Variants in PDILT observed in about 807,000 individuals in gnomAD.
PDILT encodes protein disulfide-isomerase-like protein of the testis.
Under a neutral mutation model 53.7 loss-of-function variants are expected in PDILT, and 43 were observed. That is an observed-to-expected ratio of 0.80 (90% CI 0.63 to 1.03). The LOEUF (loss-of-function observed/expected upper bound fraction) is 1.03. Among genes scored for constraint, PDILT ranks in the 50% least tolerant of loss-of-function variants. The pLI, the probability that PDILT is intolerant of heterozygous loss-of-function variation, is 0.00. For synonymous variants in PDILT, 282 were observed against 274.2 expected, an observed-to-expected ratio of 1.03 and a Z score of -0.28; for missense variants, 727 against 712.3, an observed-to-expected ratio of 1.02 and a Z score of -0.24.
chr16:20,366,969 TTCCTTCCTTCCTTCCTTC>T (rs377285426), intron 8 of PDILT, among the ~76,000 whole-genome samples: 42,987 of 144,924 alleles, frequency 0.3, 9,574 homozygotes, highest in Non-Finnish European at 0.42. Context: ...CCTTCCTTCC[TTCCTTCCTTCCTTCCTTC>T]CTTTCTTTCT....
At chr16:20,369,793 A>G in intron 7 of PDILT, 104 bp from the exon 8 acceptor site, 1 of 1,136,164 alleles carries the variant, frequency 8.8e-7, no homozygotes, top group Non-Finnish European at 1.3e-6. Context: ...GGGTCTGTGG[A>G]GCACCTCTGC....
intron 2 of PDILT, among the ~76,000 whole-genome samples, chr16:20,392,747 G>T (rs1365653649): frequency 6.6e-6 from 1 of 152,168 alleles, no homozygotes; most frequent in Non-Finnish European, 1.5e-5. Flanking sequence ...AAAGGCTTTA[G>T]GTTTAAAGTA....
In PDILT at chr16:20,361,205, T is replaced by TTTTTTTTTTTTG. The variant is rs5816105; in HGVS notation, c.1417-549_1417-548insCAAAAAAAAAAA. 1.4e-4 allele frequency among the ~76,000 whole-genome samples: 19 copies of TTTTTTTTTTTTG among 134,800 alleles called. 1 individual carries two copies. Among genetic ancestry groups the TTTTTTTTTTTTG allele is most frequent in the African/African-American group, 2.5e-4 (9 of 35,382 alleles). 88.4% of individuals were successfully genotyped at this position (134,800 alleles called of 152,430 possible). ...TCCCTTTCCTCTTTTTTTTTTTTTT[T>TTTTTTTTTTTTG]ATATGGAATCTTGCTCTGTCACCAT... On this transcript the variant is annotated intron_variant, in intron 10 of 11. Transcript: ENST00000302451.
intron 2 of PDILT, among the ~76,000 whole-genome samples, chr16:20,385,708 C>G (rs551609345): frequency 6.6e-6 from 1 of 152,054 alleles, no homozygotes; most frequent in Non-Finnish European, 1.5e-5. Context: ...ATCCCTGTAA[C>G]CAAAAGCCAC....
chr16:20,398,534 G>A lies in PDILT; in HGVS notation c.202+565C>T, dbSNP rs539071771. Among the ~76,000 whole-genome samples the A allele has an allele frequency of 7.9e-5, 12 of 152,268 alleles. No individual in the cohort carries two copies. The South Asian group carries it at 2.3e-3, about 29-fold the overall frequency. On this transcript the variant is annotated intron_variant, in intron 2 of 11. Transcript: ENST00000302451. ...CGATCCCATCTACTCAGATGTATGA[G>A]GCATGAGAATCGCGTGAACACAGGA...
intron 1 of PDILT, among the ~76,000 whole-genome samples, chr16:20,402,348 C>T (rs1317761867): frequency 1.4e-5 from 2 of 144,928 alleles, no homozygotes; most frequent in Non-Finnish European, 3.0e-5. Flanking sequence ...GCCCAGGCTG[C>T]AATGCAGTGG....
intron 2 of PDILT, among the ~76,000 whole-genome samples, chr16:20,395,800 C>T (rs2141620668): frequency 6.6e-6 from 1 of 152,286 alleles, no homozygotes; most frequent in Admixed American, 6.5e-5. Context: ...AGCCTGGCAG[C>T]CGCTGCTCCT....
At chr16:20,374,421 T>C (rs1011858967) in intron 5 of PDILT, among the ~76,000 whole-genome samples, 6 of 152,014 alleles carry the variant, frequency 3.9e-5, no homozygotes, top group Admixed American at 2.6e-4. Flanking sequence ...GGAGAGGAGA[T>C]TATGACTTTG....
chr16:20,373,193 G>T, intron 5 of PDILT, 71 bp from the exon 6 acceptor site: 1 of 1,259,612 alleles, frequency 7.9e-7, no homozygotes, highest in Non-Finnish European at 1.2e-6. Flanking sequence ...AATATAAATA[G>T]CACAATTTTC....
intron 2 of PDILT, among the ~76,000 whole-genome samples, chr16:20,397,397 C>A (rs1429142205): frequency 6.6e-6 from 1 of 152,146 alleles, no homozygotes; most frequent in Non-Finnish European, 1.5e-5. Flanking sequence ...CCCACCTCGG[C>A]CTCCCAAAGT....
intron 10 of PDILT, 24 bp from the exon 11 acceptor site, chr16:20,360,681 C>T (rs1374730717): frequency 6.5e-7 from 1 of 1,544,682 alleles, no homozygotes. Flanking sequence ...GGAACAGGGT[C>T]AGGATGGGAT....
chr16:20,382,504 G>C (rs903563871), intron 3 of PDILT, among the ~76,000 whole-genome samples: 4 of 152,150 alleles, frequency 2.6e-5, no homozygotes, highest in Admixed American at 2.6e-4. Flanking sequence ...TAATAATCTG[G>C]GCCTTTGCAG....
chr16:20,396,748 AG>A (rs1296805046), intron 2 of PDILT, among the ~76,000 whole-genome samples: 1 of 152,238 alleles, frequency 6.6e-6, no homozygotes, highest in Non-Finnish European at 1.5e-5. Flanking sequence ...TTTGTTTTAA[AG>A]GGTTTCTCAT....
rs1567320326 is a variant in PDILT, at chr16:20,366,973, TTC to T, written c.1117-1435_1117-1434del. 4.6e-4 allele frequency among the ~76,000 whole-genome samples: 40 copies of T among 86,492 alleles called. 1 individual carries two copies. Among genetic ancestry groups the T allele is most frequent in the African/African-American group, 1.0e-3 (32 of 31,640 alleles). 56.7% of individuals were successfully genotyped at this position (86,492 alleles called of 152,430 possible). A position where few individuals can be genotyped will look rare whatever the true frequency, so the allele number is the denominator to read the frequency against. ...CTTCCTTCCTTCCTTCCTTCCTTCC[TTC>T]CTTCCTTCCTTCCTTTCTTTCTTTC... On this transcript the variant is annotated intron_variant, in intron 8 of 11. Coordinates refer to ENST00000302451, the MANE Select transcript of PDILT (RefSeq NM_174924.2).
rs553412363 is a variant in PDILT at position 20,383,005 on chromosome 16, A to T, written c.409+1640T>A. 2.0e-5 allele frequency among the ~76,000 whole-genome samples: 3 copies of T among 152,274 alleles called. No individual in the cohort carries two copies. In the South Asian group the frequency reaches 6.2e-4, roughly 32 times the overall value. The stretch of plus-strand genomic sequence containing the variant: ...AAACACAGATGCTGTGAGGCCACAG[A>T]GGTGGAGCAGGCACCCTGGCCTGAG... On this transcript the variant is annotated intron_variant, in intron 3 of 11. Coordinates refer to ENST00000302451, the MANE Select transcript of PDILT (RefSeq NM_174924.2).
chr16:20,378,416 T>C (rs1966416767), intron 3 of PDILT, among the ~76,000 whole-genome samples: 1 of 152,128 alleles, frequency 6.6e-6, no homozygotes, highest in South Asian at 2.1e-4. Context: ...TTGTTCTTCT[T>C]CTGCTTCCTC....
intron 3 of PDILT, among the ~76,000 whole-genome samples, chr16:20,379,464 C>T (rs1023829708): frequency 2.6e-5 from 4 of 151,942 alleles, no homozygotes; most frequent in African/African-American, 9.7e-5. Context: ...CCACGCCCAG[C>T]CCACACCTGG....
chr16:20,392,606 C>T (rs984305995), intron 2 of PDILT, among the ~76,000 whole-genome samples: 3 of 152,114 alleles, frequency 2.0e-5, no homozygotes, highest in African/African-American at 7.2e-5. Flanking sequence ...TTTTTAAGAA[C>T]TCATTTTGAA....
chr16:20,396,419 A>G (rs966955079), intron 2 of PDILT, among the ~76,000 whole-genome samples: 2 of 152,216 alleles, frequency 1.3e-5, no homozygotes, highest in African/African-American at 4.8e-5. Context: ...TTAAATATTG[A>G]TATCAACAAC....
Sources: gnomAD v4.1 joint callset for allele counts (sites outside exome capture counted in the v4.1 genomes callset) on GRCh38, gnomAD v4.1.1 for gene constraint, MANE v1.5 for transcripts, NCBI Gene and HGNC (gene_info 2026-07-23, HGNC 2026-07-21) for gene names.